AMY2B: variants seen among roughly 807,000 people sequenced by gnomAD.
AMY2B encodes amylase alpha 2B, also known as alpha-amylase 2B.
A neutral mutation model predicts 59.3 loss-of-function variants in AMY2B; 63 were observed. The ratio of observed to expected loss-of-function variants is 1.06; its 90% CI spans 0.87 to 1.31. The LOEUF is 1.31. Among genes scored for constraint, AMY2B ranks in the 50% most tolerant of loss-of-function variants. AMY2B has a pLI of 0.00. For missense variants in AMY2B, 635 were observed against 626.7 expected (o/e 1.01, Z -0.14); for synonymous variants, 180 against 198.1 (o/e 0.91, Z 0.77).
In AMY2B at chr1:103,577,701, T is replaced by C. The variant is rs1433556981; in HGVS notation, c.1221-19T>C. ...GAAGTTTAAGAATATCAACGTTTTATATGGTATTGTGTTTTTAGGAACATG... is the reference window on the plus strand; with the variant it reads ...GAAGTTTAAGAATATCAACGTTTTACATGGTATTGTGTTTTTAGGAACATG... On this transcript the variant is annotated intron_variant, in intron 8 of 9. Transcript: ENST00000684275. The C allele has an allele frequency of 1.6e-5, 26 of 1,611,686 alleles. No homozygotes were observed. The highest frequency in any genetic ancestry group is 2.2e-5 in the Non-Finnish European group (26 of 1,179,756).
chr1:103,571,967 G>T, intron 1 of AMY2B, 143 bp from the exon 2 acceptor site: 1 of 1,535,860 alleles, frequency 6.5e-7, no homozygotes, highest in South Asian at 1.3e-5. Flanking sequence ...TTCAACAAGA[G>T]CCCTCCAATG....
At chr1:103,571,135 A>C, upstream of AMY2B, 1 of 968,274 alleles carries the variant, frequency 1.0e-6, no homozygotes, top group Non-Finnish European at 1.3e-6. Flanking sequence ...AAGCCATAGG[A>C]CCCAGTTTCC....
In AMY2B at chr1:103,579,488, A is replaced by G; in HGVS notation, c.1524A>G (p.Glu508=). The G allele has an allele frequency of 6.2e-7, 1 of 1,609,380 alleles. No individual in the cohort carries two copies. The highest frequency in any genetic ancestry group is 8.5e-7 in the Non-Finnish European group (1 of 1,179,138). The stretch of plus-strand genomic sequence containing the variant: ...ATCCATTTATTGCAATTCATGCTGA[A>G]TCTAAATTATAAAATTTAAAATTAA... ...AEDPFIAIHA[E]SKL is the part of the protein sequence containing the mutation. Residue 508 remains glutamate, a synonymous_variant, in exon 10 of 10, where the codon GAA becomes GAG. Coordinates refer to ENST00000684275, the MANE Select transcript of AMY2B (RefSeq NM_001387437.1).
At chr1:103,574,481 T>A (rs1570648279) in intron 5 of AMY2B, 88 bp downstream of exon 5, 5 of 1,599,046 alleles carry the variant, frequency 3.1e-6, no homozygotes, top group South Asian at 2.2e-5. Flanking sequence ...GAACATTCTT[T>A]TTCAGACAAC....
Position 103,575,450 on chromosome 1 carries a change from A to T in AMY2B, c.1011A>T (p.Lys337Asn), listed in dbSNP as rs1652314139. ...ILTFWDARLY[K>N]MAVGFMLAHP... ...ATTATGTAACTTTCAGGCTGTATAA[A>T]ATGGCAGTTGGATTTATGCTTGCTC... Residue 337 changes from lysine (K) to asparagine (N), a missense_variant, in exon 7 of 10, where the codon AAA becomes AAT. Physicochemically the swap from Lys to Asn is moderately conservative, Grantham distance 94. Coordinates refer to ENST00000684275, the MANE Select transcript of AMY2B (RefSeq NM_001387437.1). 6.2e-7 allele frequency: 1 copy of T among 1,613,512 alleles called. No individual in the cohort carries two copies. Among genetic ancestry groups the T allele is most frequent in the African/African-American group, 1.3e-5 (1 of 74,876 alleles).
At chr1:103,569,706 C>CT (rs1290073896), upstream of AMY2B, 1 of 402,160 alleles carries the variant, frequency 2.5e-6, no homozygotes, top group African/African-American at 2.1e-5. Flanking sequence ...AGAGGGACTC[C>CT]TATGTGGGCT....
At chr1:103,561,815 CAG>C (rs1187276181) in intron 1 of AMY2B, 11 of 151,928 alleles carry the variant, frequency 7.2e-5, no homozygotes, top group African/African-American at 1.7e-4. Context: ...GGAGAGAAGA[CAG>C]TGGTTTGCTT....
At chr1:103,556,546 T>G (rs1310256212) in intron 1 of AMY2B, among the ~76,000 whole-genome samples, 1 of 151,432 alleles carries the variant, frequency 6.6e-6, no homozygotes, top group Non-Finnish European at 1.5e-5. Context: ...GAAATTGAAA[T>G]TAGAGTATAA....
intron 2 of AMY2B, among the ~76,000 whole-genome samples, 179 bp from the exon 3 acceptor site, chr1:103,572,884 A>G (rs1395274094): frequency 1.3e-5 from 2 of 152,194 alleles, no homozygotes; most frequent in African/African-American, 2.4e-5. Flanking sequence ...TCTAGAAGGC[A>G]TGTAGGTGTT....
At chr1:103,566,658 G>A (rs1203335243), upstream of AMY2B, among the ~76,000 whole-genome samples, 1 of 152,124 alleles carries the variant, frequency 6.6e-6, no homozygotes, top group Non-Finnish European at 1.5e-5. Context: ...AATTCTAGGA[G>A]AAACATTAGT....
chr1:103,571,207 G>C, upstream of AMY2B: 3 of 758,684 alleles, frequency 4.0e-6, no homozygotes, highest in Non-Finnish European at 5.1e-6. Flanking sequence ...AGTTGGAAGC[G>C]GTTTGCATTT....
intron 1 of AMY2B, among the ~76,000 whole-genome samples, chr1:103,558,452 A>T (rs1651627013): frequency 6.6e-6 from 1 of 152,210 alleles, no homozygotes; most frequent in Non-Finnish European, 1.5e-5. Context: ...ATAGGATCAG[A>T]GAATATTAAC....
chr1:103,571,414 T>G (rs574910642), upstream of AMY2B: 63 of 1,304,456 alleles, frequency 4.8e-5, no homozygotes, highest in African/African-American at 4.5e-4. Flanking sequence ...AAAGGTCATT[T>G]AGATGATTTC....
At chr1:103,572,789 C>T (rs542030590) in intron 2 of AMY2B, among the ~76,000 whole-genome samples, 3 of 152,062 alleles carry the variant, frequency 2.0e-5, no homozygotes, top group African/African-American at 4.8e-5. Flanking sequence ...TTTGTCTCCC[C>T]GAAATGGGCT....
At position 103,572,226 on chromosome 1, in the gene AMY2B, A is replaced by G; in HGVS notation, c.285A>G (p.Arg95=). 1 of 1,611,580 alleles carries G rather than the reference A, an allele frequency of 6.2e-7. No individual in the cohort carries two copies. The highest frequency in any genetic ancestry group is 1.1e-5 in the South Asian group (1 of 90,952). ...CTRSGNEDEF[R]NMVTRCNNVG... is the part of the protein sequence containing the mutation. The stretch of plus-strand genomic sequence containing the variant: ...GATCTGGAAATGAAGATGAATTTAG[A>G]AACATGGTGACTAGATGTAACAATG... Residue 95 remains arginine, a synonymous_variant, in exon 2 of 10, where the codon AGA becomes AGG. Coordinates refer to ENST00000684275, the MANE Select transcript of AMY2B (RefSeq NM_001387437.1).
chr1:103,564,921 A>G (rs947812563), intron 1 of AMY2B: 17 of 152,278 alleles, frequency 1.1e-4, no homozygotes, highest in African/African-American at 4.1e-4. Flanking sequence ...AGTCATAAAG[A>G]CATTGCCATT....
chr1:103,572,239 A>G lies in AMY2B; in HGVS notation c.298A>G (p.Arg100Gly). The G allele has an allele frequency of 6.2e-7, 1 of 1,611,304 alleles. No homozygotes were observed. The highest frequency in any genetic ancestry group is 8.5e-7 in the Non-Finnish European group (1 of 1,179,444). Residue 100 changes from arginine (R) to glycine (G), a missense_variant, in exon 2 of 10, where the codon AGA becomes GGA. Transcript: ENST00000684275. ...NEDEFRNMVTRCNNVGVRIYV... is the reference protein window; with the variant it reads ...NEDEFRNMVTGCNNVGVRIYV... Reference sequence around the variant, plus strand: ...AGATGAATTTAGAAACATGGTGACTAGATGTAACAATGTTGGGGTAAGTGA... The same window carrying G: ...AGATGAATTTAGAAACATGGTGACTGGATGTAACAATGTTGGGGTAAGTGA...
At chr1:103,569,058 T>C (rs986295341), upstream of AMY2B, 2 of 151,974 alleles carry the variant, frequency 1.3e-5, no homozygotes, top group Non-Finnish European at 1.5e-5. Flanking sequence ...AAAAGCCCCT[T>C]ATGCAACCAT....
chr1:103,558,659 A>G (rs765993024), intron 1 of AMY2B, among the ~76,000 whole-genome samples: 1 of 151,028 alleles, frequency 6.6e-6, no homozygotes, highest in African/African-American at 2.4e-5. Context: ...ACAACTTGGG[A>G]GGCTGAGGAG....
Sources: gnomAD v4.1 joint callset for allele counts (sites outside exome capture counted in the v4.1 genomes callset) on GRCh38, gnomAD v4.1.1 for gene constraint, MANE v1.5 for transcripts, NCBI Gene and HGNC (gene_info 2026-07-23, HGNC 2026-07-21) for gene names.